Variants in TRMT1 observed in about 807,000 individuals in gnomAD.
TRMT1 encodes the protein tRNA methyltransferase 1.
A neutral mutation model predicts 75.4 loss-of-function variants in TRMT1; 63 were observed. The ratio of observed to expected loss-of-function variants is 0.84; its 90% confidence interval spans 0.68 to 1.03. The LOEUF (loss-of-function observed/expected upper bound fraction) is 1.03. Ranked by LOEUF, TRMT1 falls within the 50% of genes least tolerant of loss-of-function variation. TRMT1 has a pLI of 0.00. For missense variants in TRMT1, 870 were observed against 905.3 expected, an observed-to-expected ratio of 0.96 and a Z score of 0.50; for synonymous variants, 382 against 358.1, an observed-to-expected ratio of 1.07 and a Z score of -0.75.
In TRMT1 at chr19:13,109,757, G is replaced by A; in HGVS notation, c.1176+12C>T. ...CCCTCTTGCTCCTTTGCCTCCCCTGGCCTAGCCCTACCTGGTGTCGTTGCC... is the reference window on the plus strand; with the variant it reads ...CCCTCTTGCTCCTTTGCCTCCCCTGACCTAGCCCTACCTGGTGTCGTTGCC... On this transcript the variant is annotated intron_variant, in intron 10 of 16. Coordinates refer to ENST00000357720, the MANE Select transcript of TRMT1 (RefSeq NM_001136035.4). 1 of 1,614,066 alleles carries A rather than the reference G, an allele frequency of 6.2e-7. No homozygotes were observed. Among genetic ancestry groups the A allele is most frequent in the Non-Finnish European group, 8.5e-7 (1 of 1,180,012 alleles).
In TRMT1 at chr19:13,115,641, C is replaced by T. The variant is rs367742223; in HGVS notation, c.438G>A (p.Val146=). 8.1e-6 allele frequency: 13 copies of T among 1,613,886 alleles called. No homozygotes were observed. Among genetic ancestry groups the T allele is most frequent in the African/African-American group, 2.7e-5 (2 of 74,894 alleles). Residue 146 remains valine (V), a synonymous_variant, in exon 4 of 17, where the codon GTG becomes GTA. Transcript: ENST00000357720. ...CAGGCCCCACCTCACAGATCTCCCC[C>T]ACGGCCGCTGTGCGAGGTTGGTCTC... is the stretch of plus-strand genomic sequence containing the variant. ...ASGDQPRTAA[V]GEICEEGLHV...
chr19:13,116,421 G>T lies in TRMT1; in HGVS notation c.-22C>A. 6.4e-7 allele frequency: 1 copy of T among 1,561,050 alleles called. No homozygotes were observed. Among genetic ancestry groups the T allele is most frequent in the East Asian group, 2.3e-5 (1 of 43,798 alleles). The stretch of plus-strand genomic sequence containing the variant: ...GCATGAGACATCCGCTGGCGCCTCC[G>T]CCCGCCAAGCCTGGTTCGGGGGGCG... On this transcript the variant is annotated 5_prime_UTR_variant, in exon 2 of 17. Coordinates refer to ENST00000357720, the MANE Select transcript of TRMT1 (RefSeq NM_001136035.4).
Position 13,116,690 on chromosome 19 carries a change from T to G in TRMT1, c.-70A>C. The G allele has an allele frequency of 4.6e-6, 2 of 435,758 alleles. No homozygotes were observed. Among genetic ancestry groups the G allele is most frequent in the Non-Finnish European group, 8.3e-6 (2 of 242,384 alleles). The allele number at this position is 435,758 out of a possible 1,614,324, so 27.0% of individuals were successfully genotyped here. ...CCACAGAAAACCGAATTAGTCAAGG[T>G]GCACGTTTCCCGAATTAGGACCTGG... On this transcript the variant is annotated 5_prime_UTR_variant, in exon 1 of 17. Transcript: ENST00000357720.
chr19:13,111,994 C>T (rs979536182), intron 7 of TRMT1, among the ~76,000 whole-genome samples: 13 of 151,844 alleles, frequency 8.6e-5, no homozygotes, highest in African/African-American at 1.5e-4. Context: ...CTACCACGCC[C>T]GGCCTATTTT....
At chr19:13,111,585 A>G (rs1024096882) in intron 7 of TRMT1, among the ~76,000 whole-genome samples, 9 of 139,566 alleles carry the variant, frequency 6.4e-5, no homozygotes, top group Admixed American at 2.2e-4. Context: ...TTTAGTAGAG[A>G]CGGGGTTTCA....
chr19:13,112,642 G>C (rs1394255470), intron 7 of TRMT1, 63 bp downstream of exon 7: 2 of 1,502,498 alleles, frequency 1.3e-6, no homozygotes, highest in East Asian at 4.5e-5. Flanking sequence ...AGTGTATTGG[G>C]AAGGGACTCA....
At chr19:13,115,872 G>T in intron 3 of TRMT1, 104 bp from the exon 4 acceptor site, 2 of 1,604,496 alleles carry the variant, frequency 1.2e-6, no homozygotes, top group South Asian at 1.1e-5. Context: ...CGGAAAGGCT[G>T]AAGGAGCAGA....
At position 13,110,017 on chromosome 19, in the gene TRMT1, G is replaced by C. The variant is rs780238240; in HGVS notation, c.1020-16C>G. On this transcript the variant is annotated splice_polypyrimidine_tract_variant and intron_variant, in intron 8 of 16. Transcript: ENST00000357720. ...CGCCTGCTTGCTGTGGGGGGTACCA[G>C]TGGCCACGAGTTCCCAGCGTGACCA... is the stretch of plus-strand genomic sequence containing the variant. 21 of 1,612,622 alleles carry C rather than the reference G, an allele frequency of 1.3e-5. No individual in the cohort carries two copies. In the East Asian group the frequency reaches 4.2e-4, roughly 33 times the overall value.
At chr19:13,115,569 G>A in intron 4 of TRMT1, 57 bp downstream of exon 4, 1 of 1,608,982 alleles carries the variant, frequency 6.2e-7, no homozygotes, top group South Asian at 1.1e-5. Flanking sequence ...CCCCCTCCAG[G>A]AGCCCTCTGT....
At position 13,115,279 on chromosome 19, in the gene TRMT1, C is replaced by G; in HGVS notation, c.641G>C (p.Arg214Pro). Residue 214 changes from arginine to proline, a missense_variant and splice_region_variant, in exon 5 of 17, where the codon CGG becomes CCG. Transcript: ENST00000357720. ...CTAGGCTGTGATGCCCAGAACCTAC[C>G]GGGCATCTGCTTGGCTCGGCTGTAC... ...HLVQPSQADA[R>P]MLMYQHQRVS... 1 of 1,609,244 alleles carries G rather than the reference C, an allele frequency of 6.2e-7. No individual in the cohort carries two copies. The highest frequency in any genetic ancestry group is 1.1e-5 in the South Asian group (1 of 90,492).
At chr19:13,105,755 G>A in intron 14 of TRMT1, 149 bp from the exon 15 acceptor site, 1 of 897,386 alleles carries the variant, frequency 1.1e-6, no homozygotes, top group Non-Finnish European at 1.7e-6. Flanking sequence ...AACATTTTTG[G>A]TTTTTTTAAA....
chr19:13,114,433 G>A (rs931835713), intron 5 of TRMT1, among the ~76,000 whole-genome samples: 7 of 152,216 alleles, frequency 4.6e-5, no homozygotes, highest in African/African-American at 1.2e-4. Context: ...TTGGGAGGCC[G>A]AGGCGGGCAG....
At chr19:13,110,379 C>T in intron 7 of TRMT1, 73 bp from the exon 8 acceptor site, 6 of 1,482,088 alleles carry the variant, frequency 4.0e-6, no homozygotes, top group Non-Finnish European at 5.4e-6. Flanking sequence ...ATGTGGTACT[C>T]ACAAGTACAG....
rs753496987 is a variant in TRMT1, at chr19:13,112,919, G to C, written c.734C>G (p.Ala245Gly). The change falls in exon 6 of 17, where the codon GCT becomes GGT. Residue 245 changes from alanine to glycine, a missense_variant. Transcript: ENST00000357720. ...ACCTCCTTCACTCACAGCCTGCACA[G>C]CTGCATCCAGGAAGGTGGCTGGGCT... ...YGSPATFLDA[A>G]VQAVSEGGLL... 1 of 1,613,486 alleles carries C rather than the reference G, an allele frequency of 6.2e-7. No homozygotes were observed. Among genetic ancestry groups the C allele is most frequent in the Non-Finnish European group, 8.5e-7 (1 of 1,179,764 alleles).
chr19:13,114,048 C>G (rs1230441336), intron 5 of TRMT1, among the ~76,000 whole-genome samples: 1 of 152,176 alleles, frequency 6.6e-6, no homozygotes, highest in African/African-American at 2.4e-5. Flanking sequence ...CAGCTAATTA[C>G]TTTTCATTGT....
At chr19:13,114,919 G>A (rs1436368176) in intron 5 of TRMT1, among the ~76,000 whole-genome samples, 1 of 152,174 alleles carries the variant, frequency 6.6e-6, no homozygotes, top group African/African-American at 2.4e-5. Context: ...TCTTGCGAAG[G>A]TCACCAATTT....
rs1356520279 is a variant in TRMT1, at chr19:13,116,017, A to G, written c.290T>C (p.Leu97Pro). The G allele has an allele frequency of 6.2e-7, 1 of 1,613,870 alleles. No homozygotes were observed. The highest frequency in any genetic ancestry group is 1.3e-5 in the African/African-American group (1 of 74,882). ...CTCACTCTGGATTCCTTTGGCCCCA[A>G]GCTGAATGCGAGCAAACTCGGTGAT... ...AVITEFARIQ[L>P]GAKGIQIKVP... Residue 97 changes from leucine (L) to proline (P), a missense_variant, in exon 3 of 17, where the codon CTT becomes CCT. Physicochemically the swap from Leu to Pro is moderately conservative, Grantham distance 98. Coordinates refer to ENST00000357720, the MANE Select transcript of TRMT1 (RefSeq NM_001136035.4).
intron 2 of TRMT1, 31 bp from the exon 3 acceptor site, chr19:13,116,083 CCG>C: frequency 6.2e-7 from 1 of 1,613,930 alleles, no homozygotes; most frequent in Non-Finnish European, 8.5e-7. Flanking sequence ...AGCTCATACC[CCG>C]CCCCCGCCAT....
At chr19:13,115,221 C>T in intron 5 of TRMT1, 58 bp downstream of exon 5, 4 of 1,536,392 alleles carry the variant, frequency 2.6e-6, no homozygotes, top group Non-Finnish European at 3.5e-6. Context: ...GTGACAGAGC[C>T]AGAATTTGAC....
Sources: gnomAD v4.1 joint callset for allele counts (sites outside exome capture counted in the v4.1 genomes callset) on GRCh38, gnomAD v4.1.1 for gene constraint, MANE v1.5 for transcripts, NCBI Gene and HGNC (gene_info 2026-07-23, HGNC 2026-07-21) for gene names.